Variants in LMBR1 observed in about 807,000 individuals in gnomAD.
The protein encoded by LMBR1 is limb development membrane protein 1, also known as limb region 1 protein homolog.
A neutral mutation model predicts 73.9 loss-of-function variants in LMBR1; 52 were observed. The ratio of observed to expected loss-of-function variants is 0.70; its 90% confidence interval spans 0.56 to 0.89. The LOEUF is 0.89. Among genes scored for constraint, LMBR1 ranks in the 40% least tolerant of loss-of-function variants. The pLI is 0.00. For synonymous variants in LMBR1, 215 were observed against 209.4 expected, an observed-to-expected ratio of 1.03 and a Z score of -0.23; for missense variants, 539 against 579.8, an observed-to-expected ratio of 0.93 and a Z score of 0.72.
Position 156,710,046 on chromosome 7 carries a change from A to G in LMBR1, c.1225+14066T>C, listed in dbSNP as rs1811758565. Among the ~76,000 whole-genome samples, 4 of 151,818 alleles carry G rather than the reference A, an allele frequency of 2.6e-5. No individual in the cohort carries two copies. In the South Asian group the frequency reaches 8.3e-4, roughly 32 times the overall value. On this transcript the variant is annotated intron_variant, in intron 15 of 16. Coordinates refer to ENST00000353442, the MANE Select transcript of LMBR1 (RefSeq NM_022458.4). The stretch of plus-strand genomic sequence containing the variant: ...CAATCTCCTGAGTAGCTGGGACTAC[A>G]GGCGCCCGCCACCATGCCCGGCTAA...
chr7:156,724,669 A>T (rs775279969), intron 14 of LMBR1, among the ~76,000 whole-genome samples: 6 of 152,156 alleles, frequency 3.9e-5, no homozygotes, highest in Non-Finnish European at 7.4e-5. Context: ...ATTCTTCCAT[A>T]GTAAATAAGA....
intron 1 of LMBR1, among the ~76,000 whole-genome samples, chr7:156,866,518 T>C (rs1378833079): frequency 1.3e-5 from 2 of 151,320 alleles, no homozygotes; most frequent in Admixed American, 6.6e-5. Flanking sequence ...TTTCTTGCAA[T>C]AAACCCTGTT....
At chr7:156,778,497 A>G (rs1826551777) in intron 5 of LMBR1, among the ~76,000 whole-genome samples, 1 of 152,246 alleles carries the variant, frequency 6.6e-6, no homozygotes, top group African/African-American at 2.4e-5. Context: ...ATTAAATACC[A>G]CATGCGTGAG....
intron 4 of LMBR1, among the ~76,000 whole-genome samples, chr7:156,804,900 A>G (rs914847026): frequency 6.6e-6 from 1 of 152,168 alleles, no homozygotes; most frequent in African/African-American, 2.4e-5. Context: ...TACCTAAAAA[A>G]TTATGGCCTA....
rs113618014 is a variant in LMBR1 at position 156,773,096 on chromosome 7, A to G, written c.424-9301T>C. Among the ~76,000 whole-genome samples the G allele has an allele frequency of 2.3e-3, 345 of 152,126 alleles. 3 individuals carry two copies. Among genetic ancestry groups the G allele is most frequent in the African/African-American group, 8.0e-3 (331 of 41,516 alleles). On this transcript the variant is annotated intron_variant, in intron 5 of 16. Transcript: ENST00000353442. ...CCAAGAATGGCCACAAAAAAATGAA[A>G]CAAAATAAAATAAAATAAAATAAAA...
chr7:156,834,200 T>A (rs1398644011), intron 2 of LMBR1, among the ~76,000 whole-genome samples: 1 of 152,200 alleles, frequency 6.6e-6, no homozygotes, highest in Admixed American at 6.5e-5. Context: ...ATAGAACTCA[T>A]AATTTTCTAT....
intron 9 of LMBR1, among the ~76,000 whole-genome samples, chr7:156,738,081 T>G (rs905264154): frequency 2.6e-5 from 4 of 152,042 alleles, no homozygotes; most frequent in Non-Finnish European, 5.9e-5. Context: ...CTGAAGAGGG[T>G]AGAAAAGACA....
intron 3 of LMBR1, among the ~76,000 whole-genome samples, chr7:156,831,972 T>G (rs752636696): frequency 3.9e-5 from 6 of 152,206 alleles, no homozygotes; most frequent in Non-Finnish European, 8.8e-5. Flanking sequence ...GTTGTAGCTT[T>G]TGTGAGGTGA....
chr7:156,780,657 G>C (rs919630364), intron 5 of LMBR1, among the ~76,000 whole-genome samples: 1 of 152,152 alleles, frequency 6.6e-6, no homozygotes, highest in Admixed American at 6.5e-5. Context: ...CACTTGCAGA[G>C]CTCCTACTAG....
At chr7:156,801,706 A>AT (rs1023301971) in intron 4 of LMBR1, among the ~76,000 whole-genome samples, 3 of 151,886 alleles carry the variant, frequency 2.0e-5, no homozygotes, top group Non-Finnish European at 4.4e-5. Flanking sequence ...TGATTTTTGT[A>AT]TTTTTTGTAG....
intron 10 of LMBR1, among the ~76,000 whole-genome samples, chr7:156,733,394 T>C (rs1007044724): frequency 5.9e-5 from 9 of 152,116 alleles, no homozygotes; most frequent in South Asian, 2.1e-4. Flanking sequence ...AACTATATTC[T>C]ATATTTTCAC....
At position 156,752,465 on chromosome 7, in the gene LMBR1, G is replaced by A. The variant is rs576260059; in HGVS notation, c.757+3928C>T. 2.6e-5 allele frequency among the ~76,000 whole-genome samples: 4 copies of A among 152,330 alleles called. No individual in the cohort carries two copies. The East Asian group carries it at 7.7e-4, about 29-fold the overall frequency. On this transcript the variant is annotated intron_variant, in intron 9 of 16. Coordinates refer to ENST00000353442, the MANE Select transcript of LMBR1 (RefSeq NM_022458.4). ...AGAAAGAGGAGAATTGCTAGATCGT[G>A]TCCTTGAATCAGTGAGAAGAGATGG...
intron 1 of LMBR1, among the ~76,000 whole-genome samples, chr7:156,844,401 G>C (rs1045518161): frequency 6.6e-6 from 1 of 152,080 alleles, no homozygotes; most frequent in Non-Finnish European, 1.5e-5. Context: ...GAACTCATTA[G>C]ACTGTGTTTC....
chr7:156,736,879 C>T (rs1293809843), intron 9 of LMBR1, among the ~76,000 whole-genome samples: 1 of 152,142 alleles, frequency 6.6e-6, no homozygotes, highest in Non-Finnish European at 1.5e-5. Context: ...AAACATCCTG[C>T]CAAAGGTCTT....
At chr7:156,855,351 T>C (rs1027589046) in intron 1 of LMBR1, among the ~76,000 whole-genome samples, 1 of 152,140 alleles carries the variant, frequency 6.6e-6, no homozygotes, top group Admixed American at 6.5e-5. Flanking sequence ...GACTGAGACC[T>C]AATCACAAGA....
chr7:156,743,318 A>C (rs1819251059), intron 9 of LMBR1, among the ~76,000 whole-genome samples: 2 of 152,146 alleles, frequency 1.3e-5, no homozygotes, highest in South Asian at 4.1e-4. Flanking sequence ...AAATTCCAAA[A>C]TTTTATTGTG....
intron 12 of LMBR1, among the ~76,000 whole-genome samples, chr7:156,726,935 C>T (rs1815896208): frequency 6.6e-6 from 1 of 152,138 alleles, no homozygotes; most frequent in African/African-American, 2.4e-5. Flanking sequence ...TTAGATCACA[C>T]CCCTGTCTTC....
chr7:156,786,475 TTC>T (rs1828133965), intron 5 of LMBR1, among the ~76,000 whole-genome samples: 1 of 152,180 alleles, frequency 6.6e-6, no homozygotes, highest in Non-Finnish European at 1.5e-5. Flanking sequence ...AACTTAGATT[TTC>T]TCTTTTTAAC....
intron 10 of LMBR1, among the ~76,000 whole-genome samples, chr7:156,732,152 C>T (rs1816953859): frequency 1.3e-5 from 2 of 151,998 alleles, no homozygotes; most frequent in African/African-American, 4.8e-5. Context: ...CAACAGGGAC[C>T]AGGTGTGTCA....
Sources: allele counts gnomAD v4.1 joint callset (sites outside exome capture counted in the v4.1 genomes callset), GRCh38; gene constraint gnomAD v4.1.1; transcripts MANE v1.5; gene names NCBI Gene and HGNC (gene_info 2026-07-23, HGNC 2026-07-21).